TFAP2E: variants seen among roughly 807,000 people sequenced by gnomAD.
The protein encoded by TFAP2E is transcription factor AP-2-epsilon.
A neutral mutation model predicts 37.9 loss-of-function variants in TFAP2E; 30 were observed. The ratio of observed to expected loss-of-function variants is 0.79; its 90% CI spans 0.59 to 1.07. The LOEUF (loss-of-function observed/expected upper bound fraction) is 1.07, where lower values mean the gene tolerates loss of function less well. TFAP2E is among the 50% of genes least tolerant of loss of function. The pLI is 0.00. For missense variants in TFAP2E, 567 were observed against 637.9 expected (o/e 0.89, Z 1.20); for synonymous variants, 318 against 295.8 (o/e 1.08, Z -0.77).
intron 2 of TFAP2E, chr1:35,574,735 G>A (rs1336692160): frequency 6.0e-6 from 4 of 671,590 alleles, no homozygotes; most frequent in Non-Finnish European, 1.0e-5. Context: ...ACCAGTGTAA[G>A]ATTCAAAATT....
At chr1:35,579,122 C>T (rs1252388564) in intron 3 of TFAP2E, among the ~76,000 whole-genome samples, 1 of 132,080 alleles carries the variant, frequency 7.6e-6, no homozygotes, top group African/African-American at 2.9e-5. Flanking sequence ...GGCCGGGCGG[C>T]GGTGGCTCAC....
At chr1:35,582,988 C>T (rs1649394243) in intron 3 of TFAP2E, among the ~76,000 whole-genome samples, 1 of 151,852 alleles carries the variant, frequency 6.6e-6, no homozygotes, top group Admixed American at 6.6e-5. Context: ...CTGCAACTTC[C>T]GCCTCCCGGG....
intron 6 of TFAP2E, among the ~76,000 whole-genome samples, chr1:35,591,402 C>T (rs990767144): frequency 1.1e-4 from 17 of 152,292 alleles, no homozygotes; most frequent in African/African-American, 2.4e-4. Flanking sequence ...TGCCCATCAA[C>T]CCTCTGCTCC....
Position 35,594,595 on chromosome 1 carries a change from G to A in TFAP2E, c.1248G>A (p.Leu416=), listed in dbSNP as rs527931195. The part of the protein sequence containing the change: ...QNYLLESLKG[L]DKMFLSSVGS... ...ATTTGCTGGAGTCACTCAAGGGGCT[G>A]GACAAGATGTTTCTAAGCAGTGTGG... Residue 416 remains leucine (L), a synonymous_variant, in exon 7 of 7, where the codon CTG becomes CTA. Coordinates refer to ENST00000373235, the MANE Select transcript of TFAP2E (RefSeq NM_178548.4). 3 of 1,614,066 alleles carry A rather than the reference G, an allele frequency of 1.9e-6. No homozygotes were observed. The highest frequency in any genetic ancestry group is 1.7e-5 in the Admixed American group (1 of 60,008).
At chr1:35,581,738 A>C (rs1344282064) in intron 3 of TFAP2E, among the ~76,000 whole-genome samples, 2 of 151,012 alleles carry the variant, frequency 1.3e-5, no homozygotes, top group Admixed American at 6.6e-5. Flanking sequence ...ACGTCCGGCT[A>C]ATTTTGTTTT....
intron 3 of TFAP2E, among the ~76,000 whole-genome samples, chr1:35,579,411 TC>T (rs1391234877): frequency 1.0e-4 from 15 of 149,448 alleles, no homozygotes; most frequent in Non-Finnish European, 2.1e-4. Context: ...AAAAAAAAAA[TC>T]TTTTTTTTCG....
At chr1:35,574,528 C>T in intron 2 of TFAP2E, 119 bp downstream of exon 2, 1 of 1,338,008 alleles carries the variant, frequency 7.5e-7, no homozygotes, top group Admixed American at 3.3e-5. Flanking sequence ...CCACATCTCA[C>T]TGGTGACTCC....
Position 35,584,141 on chromosome 1 carries a change from G to A in TFAP2E, c.563-4189G>A, listed in dbSNP as rs112094310. 6.4e-3 allele frequency among the ~76,000 whole-genome samples: 967 copies of A among 152,086 alleles called. 16 individuals are homozygous for A. The highest frequency in any genetic ancestry group is 0.022 in the African/African-American group (924 of 41,466). ...TTTTGAGATGGAGTTTCGCTCTGTC[G>A]TCCAGGCTGGAGTGCAGTGGTGCAA... On this transcript the variant is annotated intron_variant, in intron 3 of 6. Coordinates refer to ENST00000373235, the MANE Select transcript of TFAP2E (RefSeq NM_178548.4).
Position 35,574,381 on chromosome 1 carries a change from C to A in TFAP2E, c.482C>A (p.Ala161Glu). ...ADAPLGLPGL[A>E]AAPGLEDLQA... Reference sequence around the variant, plus strand: ...GCACCTCTCGGCCTTCCGGGGCTGGCGGCGGCCCCCGGTCTGGAGGACCTG... The same window carrying A: ...GCACCTCTCGGCCTTCCGGGGCTGGAGGCGGCCCCCGGTCTGGAGGACCTG... Residue 161 changes from alanine (A) to glutamate (E), a missense_variant, in exon 2 of 7, where the codon GCG (alanine) becomes GAG (glutamate). This residue lies in a region of TFAP2E where 312 missense variants were observed against 317.4 expected (regional missense o/e 0.98). Transcript: ENST00000373235. 1 of 1,435,652 alleles carries A rather than the reference C, an allele frequency of 7.0e-7. No homozygotes were observed. The highest frequency in any genetic ancestry group is 9.0e-7 in the Non-Finnish European group (1 of 1,106,482). 88.9% of individuals were successfully genotyped at this position (1,435,652 alleles called of 1,614,324 possible).
intron 3 of TFAP2E, among the ~76,000 whole-genome samples, chr1:35,580,997 C>T (rs1649336580): frequency 6.6e-6 from 1 of 152,174 alleles, no homozygotes; most frequent in Non-Finnish European, 1.5e-5. Flanking sequence ...TCTGCCATCC[C>T]CAGAAGTTCC....
rs1444910864 is a variant in TFAP2E at position 35,577,437 on chromosome 1, C to G, written c.562+2437C>G. 1 of 456,798 alleles carries G rather than the reference C, an allele frequency of 2.2e-6. No individual in the cohort carries two copies. The highest frequency in any genetic ancestry group is 4.4e-6 in the Non-Finnish European group (1 of 226,982). 28.3% of individuals were successfully genotyped at this position (456,798 alleles called of 1,614,324 possible). ...ACGGCACGAGGAACTCCTGTCCTGC[C>G]CCACAGACCTTCGGCCTCCGCCGAG... is the stretch of plus-strand genomic sequence containing the variant. On this transcript the variant is annotated intron_variant, in intron 3 of 6. Transcript: ENST00000373235. This position sits in a 1 kb window ranked among gnomAD's most constrained non-coding sequence, Gnocchi z 6.3.
In TFAP2E at chr1:35,573,963, G is replaced by A; in HGVS notation, c.64G>A (p.Ala22Thr). 1.4e-6 allele frequency: 2 copies of A among 1,447,866 alleles called. No homozygotes were observed. The highest frequency in any genetic ancestry group is 1.8e-6 in the Non-Finnish European group (2 of 1,112,972). 89.7% of individuals were successfully genotyped at this position (1,447,866 alleles called of 1,614,324 possible). Residue 22 changes from alanine to threonine, a missense_variant, in exon 2 of 7, where the codon GCC becomes ACC. This residue lies in a region of TFAP2E where 312 missense variants were observed against 317.4 expected (regional missense o/e 0.98). Coordinates refer to ENST00000373235, the MANE Select transcript of TFAP2E (RefSeq NM_178548.4). The surrounding 1 kb of genome is among the most constrained non-coding windows in gnomAD (Gnocchi z 5.9). The part of the protein sequence containing the change: ...PDGLGAAAGG[A>T]RLSSLPQAAY... ...CGGGCTGGGAGCAGCTGCCGGCGGG[G>A]CCCGCCTGTCGTCTCTGCCCCAGGC...
chr1:35,574,585 G>T, intron 2 of TFAP2E, 176 bp downstream of exon 2: 3 of 1,156,430 alleles, frequency 2.6e-6, no homozygotes, highest in Non-Finnish European at 3.5e-6. Context: ...GGCCATCAAG[G>T]CTGCCTGGCA....
In TFAP2E at chr1:35,574,197, T is replaced by G; in HGVS notation, c.298T>G (p.Trp100Gly). Residue 100 changes from tryptophan (W) to glycine (G), a missense_variant, in exon 2 of 7, where the codon TGG (tryptophan) becomes GGG (glycine). Transcript: ENST00000373235. ...LAQPQPPQAA[W>G]AAPRAAARAH... ...GCAGCCGCAGCCTCCTCAGGCCGCC[T>G]GGGCCGCGCCCCGCGCAGCCGCCCG... 1 of 1,316,246 alleles carries G rather than the reference T, an allele frequency of 7.6e-7. No homozygotes were observed. Among genetic ancestry groups the G allele is most frequent in the Non-Finnish European group, 9.7e-7 (1 of 1,034,148 alleles). The allele number at this position is 1,316,246 out of a possible 1,614,324, so 81.5% of individuals were successfully genotyped here.
intron 6 of TFAP2E, among the ~76,000 whole-genome samples, chr1:35,592,566 T>G (rs1302458308): frequency 6.6e-6 from 1 of 152,014 alleles, no homozygotes; most frequent in African/African-American, 2.4e-5. Context: ...TCTGGTTAAT[T>G]TTTGTATTTT....
chr1:35,592,281 T>C (rs909518847), intron 6 of TFAP2E, among the ~76,000 whole-genome samples: 77 of 148,454 alleles, frequency 5.2e-4, no homozygotes, highest in African/African-American at 1.9e-3. Context: ...TGAGACCCCA[T>C]CTCAAAAAAA....
In TFAP2E at chr1:35,590,145, G is replaced by A. The variant is rs970441521; in HGVS notation, c.904+97G>A. 3.3e-5 allele frequency: 37 copies of A among 1,125,562 alleles called. No individual in the cohort carries two copies. Among genetic ancestry groups the A allele is most frequent in the Non-Finnish European group, 4.7e-5 (35 of 745,588 alleles). The allele number at this position is 1,125,562 out of a possible 1,614,324, so 69.7% of individuals were successfully genotyped here. ...AATGCAGGAGGGTGTGTTTAGTGGT[G>A]TGTGTGTATCCGTGTAAGTGTTGCA... is the stretch of plus-strand genomic sequence containing the variant. On this transcript the variant is annotated intron_variant, in intron 5 of 6. Transcript: ENST00000373235. The surrounding 1 kb of genome is among the most constrained non-coding windows in gnomAD (Gnocchi z 6.2).
Position 35,594,505 on chromosome 1 carries a change from T to C in TFAP2E, c.1158T>C (p.Phe386=). 2 of 1,614,204 alleles carry C rather than the reference T, an allele frequency of 1.2e-6. No homozygotes were observed. The highest frequency in any genetic ancestry group is 1.7e-6 in the Non-Finnish European group (2 of 1,180,040). ...GAGTACAGAGCTGCTTGACACACTT[T>C]AGCCTCATCACCCATGGCTTCGGTG... The part of the protein sequence containing the change: ...EPGVQSCLTH[F]SLITHGFGGP... The change falls in exon 7 of 7, where the codon TTT becomes TTC. Residue 386 remains phenylalanine, a synonymous_variant. Transcript: ENST00000373235.
At chr1:35,579,933 G>A (rs1318624046) in intron 3 of TFAP2E, among the ~76,000 whole-genome samples, 3 of 151,990 alleles carry the variant, frequency 2.0e-5, no homozygotes, top group South Asian at 2.1e-4. Flanking sequence ...TGGGCCGGGC[G>A]CAGTGGCTTA....
Sources: allele counts gnomAD v4.1 joint callset (sites outside exome capture counted in the v4.1 genomes callset), GRCh38; gene constraint gnomAD v4.1.1; regional missense constraint gnomAD v4.1.1; non-coding constraint Gnocchi (gnomAD v3.1); transcripts MANE v1.5; gene names NCBI Gene and HGNC (gene_info 2026-07-23, HGNC 2026-07-21).